PRSS55: variants seen among roughly 807,000 people sequenced by gnomAD.
PRSS55 encodes the protein probable serine protease UNQ9391/PRO34284.
A neutral mutation model predicts 23.6 loss-of-function variants in PRSS55; 41 were observed. That is an observed-to-expected ratio of 1.74 (90% CI 1.35 to 2.26). PRSS55 has a LOEUF of 2.26. PRSS55 is among the 30% of genes most tolerant of loss of function. The pLI is 0.00. For missense variants in PRSS55, 669 were observed against 439.1 expected, an observed-to-expected ratio of 1.52 and a Z score of -4.68; for synonymous variants, 262 against 175.5, an observed-to-expected ratio of 1.49 and a Z score of -3.90.
At position 10,527,260 on chromosome 8, in the gene PRSS55, G is replaced by A. The variant is rs369151324; in HGVS notation, c.154+1521G>A. Among the ~76,000 whole-genome samples, 6 of 152,198 alleles carry A rather than the reference G, an allele frequency of 3.9e-5. No individual in the cohort carries two copies. In the East Asian group the frequency reaches 9.6e-4, roughly 24 times the overall value. ...ATGTGGCTTACTTTAGTCACCCCTA[G>A]CGTTTAGCTTGTTTTCAATTTGTCA... On this transcript the variant is annotated intron_variant, in intron 1 of 4. Coordinates refer to ENST00000328655, the MANE Select transcript of PRSS55 (RefSeq NM_198464.4).
rs979996173 is a variant in PRSS55, at chr8:10,525,722, C to A, written c.137C>A (p.Pro46His). ...RGAHRPQPPH[P>H]PSPVSECGDR... ...GCCCACCGCCCTCAGCCCCCTCATC[C>A]CCCCAGCCCAGTCAGTGGTGAGTAC... Residue 46 changes from proline (P) to histidine (H), a missense_variant, in exon 1 of 5, where the codon CCC (proline) becomes CAC (histidine). Physicochemically the swap from Pro to His is moderately conservative, Grantham distance 77. Coordinates refer to ENST00000328655, the MANE Select transcript of PRSS55 (RefSeq NM_198464.4). The A allele has an allele frequency of 1.4e-5, 22 of 1,609,038 alleles. No homozygotes were observed. Among genetic ancestry groups the A allele is most frequent in the Non-Finnish European group, 1.7e-5 (20 of 1,177,814 alleles).
intron 4 of PRSS55, among the ~76,000 whole-genome samples, chr8:10,552,427 G>A (rs1452339248): frequency 6.6e-6 from 1 of 152,186 alleles, no homozygotes; most frequent in Non-Finnish European, 1.5e-5. Context: ...GACAAATGGG[G>A]TTGCACTAAA....
chr8:10,538,867 C>T (rs1585883896), downstream of PRSS55: 7 of 1,392,894 alleles, frequency 5.0e-6, no homozygotes, highest in African/African-American at 1.4e-5. Flanking sequence ...GCTCTGTCTG[C>T]AGCTCAGGGC....
chr8:10,536,871 G>C (rs1018121650), intron 4 of PRSS55, among the ~76,000 whole-genome samples: 3 of 152,190 alleles, frequency 2.0e-5, no homozygotes, highest in African/African-American at 7.2e-5. Context: ...CTTAAAGGTA[G>C]AGGGTATGAA....
chr8:10,531,338 AG>A lies in PRSS55; in HGVS notation c.392del (p.Ser131ThrfsTer6). On this transcript the variant is annotated frameshift_variant, in exon 3 of 5. Transcript: ENST00000328655. LOFTEE classifies it high-confidence loss of function. ...CGTGCTGGGGACCAACGACTTAACT[AG>A]CCCATCCATGGAAATAAAGGAGGTC... ...SVVLGTNDLT[S>X]PSMEIKEVAS... 1 of 1,614,158 alleles carries A rather than the reference AG, an allele frequency of 6.2e-7. No homozygotes were observed. Among genetic ancestry groups the A allele is most frequent in the South Asian group, 1.1e-5 (1 of 91,086 alleles).
intron 4 of PRSS55, among the ~76,000 whole-genome samples, chr8:10,534,283 A>G (rs1308022346): frequency 6.6e-6 from 1 of 152,230 alleles, no homozygotes; most frequent in Non-Finnish European, 1.5e-5. Context: ...AGGTGAAGAG[A>G]AAGTGGCCTG....
Position 10,533,004 on chromosome 8 carries a change from A to G in PRSS55, c.697A>G (p.Met233Val), listed in dbSNP as rs145921629. 6.2e-7 allele frequency: 1 copy of G among 1,614,216 alleles called. No individual in the cohort carries two copies. Among genetic ancestry groups the G allele is most frequent in the Non-Finnish European group, 8.5e-7 (1 of 1,180,042 alleles). Reference protein sequence around the residue: ...SKMFPKLTKNMLCAGYKNESY... With the variant: ...SKMFPKLTKNVLCAGYKNESY... The stretch of plus-strand genomic sequence containing the variant: ...GATGTTTCCAAAACTTACCAAAAAT[A>G]TGCTGTGTGCCGGATACAAGAATGA... Residue 233 changes from methionine (M) to valine (V), a missense_variant, in exon 4 of 5, where the codon ATG (methionine) becomes GTG (valine). Met to Val is a conservative substitution (Grantham distance 21). Coordinates refer to ENST00000328655, the MANE Select transcript of PRSS55 (RefSeq NM_198464.4).
At chr8:10,539,615 C>A (rs1476606423), downstream of PRSS55, among the ~76,000 whole-genome samples, 1 of 152,172 alleles carries the variant, frequency 6.6e-6, no homozygotes, top group Non-Finnish European at 1.5e-5. Flanking sequence ...TTGAGTCATG[C>A]AGAGGTTTCC....
intron 4 of PRSS55, among the ~76,000 whole-genome samples, chr8:10,548,844 G>C (rs543829078): frequency 9.1e-4 from 138 of 152,214 alleles, no homozygotes; most frequent in African/African-American, 3.2e-3. Context: ...CCGTGTGTCA[G>C]GCACTGTGCT....
At chr8:10,530,417 G>C (rs1226570480) in intron 2 of PRSS55, among the ~76,000 whole-genome samples, 1 of 152,256 alleles carries the variant, frequency 6.6e-6, no homozygotes, top group Non-Finnish European at 1.5e-5. Flanking sequence ...AGATGTTGCA[G>C]TGAGCCAAGA....
At chr8:10,551,871 C>T (rs1485784812) in intron 4 of PRSS55, among the ~76,000 whole-genome samples, 1 of 152,232 alleles carries the variant, frequency 6.6e-6, no homozygotes, top group Admixed American at 6.5e-5. Context: ...TTAATAGGAA[C>T]CAACAAATTC....
chr8:10,538,906 G>A (rs1812555369), downstream of PRSS55: 1 of 1,128,180 alleles, frequency 8.9e-7, no homozygotes, highest in Non-Finnish European at 1.2e-6. Flanking sequence ...GCTGGGACCA[G>A]GAGGACCAGA....
chr8:10,529,354 C>T, intron 1 of PRSS55, 153 bp from the exon 2 acceptor site: 1 of 740,926 alleles, frequency 1.3e-6, no homozygotes. Flanking sequence ...GTCACAAGGG[C>T]TGCCCCGCTC....
At chr8:10,526,064 G>C (rs1343777559) in intron 1 of PRSS55, among the ~76,000 whole-genome samples, 1 of 152,128 alleles carries the variant, frequency 6.6e-6, no homozygotes, top group Admixed American at 6.5e-5. Context: ...TCAGCACCAG[G>C]CTTCCAGGAG....
At chr8:10,544,168 T>G (rs1454436002) in intron 4 of PRSS55, among the ~76,000 whole-genome samples, 3 of 152,200 alleles carry the variant, frequency 2.0e-5, no homozygotes, top group Non-Finnish European at 2.9e-5. Flanking sequence ...TTCCTTCAAT[T>G]GTCATTTTTT....
At chr8:10,548,660 G>T (rs148869019) in intron 4 of PRSS55, among the ~76,000 whole-genome samples, 49 of 152,146 alleles carry the variant, frequency 3.2e-4, no homozygotes, top group Non-Finnish European at 6.8e-4. Flanking sequence ...GGAAGCAGAC[G>T]AGGAGCTGTT....
At chr8:10,526,099 C>T (rs1812012837) in intron 1 of PRSS55, among the ~76,000 whole-genome samples, 1 of 152,144 alleles carries the variant, frequency 6.6e-6, no homozygotes, top group Non-Finnish European at 1.5e-5. Flanking sequence ...GGATGCCTAG[C>T]TCAGTCAGGC....
At position 10,529,723 on chromosome 8, in the gene PRSS55, G is replaced by A. The variant is rs373596954; in HGVS notation, c.347+24G>A. ...TTGTAAGTACCATGGGCCTCCCACT[G>A]CCACCTCTCAGGGCGCCCACCCCTG... is the stretch of plus-strand genomic sequence containing the variant. On this transcript the variant is annotated intron_variant, in intron 2 of 4. Transcript: ENST00000328655. 5 of 1,599,278 alleles carry A rather than the reference G, an allele frequency of 3.1e-6. No homozygotes were observed. The South Asian group carries it at 4.5e-5, about 14-fold the overall frequency.
chr8:10,547,740 C>T (rs967370932), intron 4 of PRSS55, among the ~76,000 whole-genome samples: 1 of 142,684 alleles, frequency 7.0e-6, no homozygotes, highest in Admixed American at 7.0e-5. Context: ...CCCCCCGCCC[C>T]GCCCCGCCCC....
Sources: allele counts gnomAD v4.1 joint callset (sites outside exome capture counted in the v4.1 genomes callset), GRCh38; gene constraint gnomAD v4.1.1; transcripts MANE v1.5; gene names NCBI Gene and HGNC (gene_info 2026-07-23, HGNC 2026-07-21).